The following DIP2B variants were observed in gnomAD, a reference collection of about 807,000 sequenced individuals.
DIP2B encodes the protein DIP2 acetate--CoA ligase B (putative).
Under a neutral mutation model 198.0 loss-of-function variants are expected in DIP2B, and 76 were observed. That is an observed-to-expected ratio of 0.38 (90% CI 0.32 to 0.46). DIP2B has a LOEUF of 0.46. DIP2B is among the 20% of genes least tolerant of loss of function. DIP2B has a pLI of 0.99. For missense variants in DIP2B, 1,559 were observed against 1,978.4 expected (o/e 0.79, Z 4.02); for synonymous variants, 701 against 739.1 (o/e 0.95, Z 0.84).
At chr12:50,627,358 G>C (rs376049604) in intron 2 of DIP2B, among the ~76,000 whole-genome samples, 1 of 151,784 alleles carries the variant, frequency 6.6e-6, no homozygotes, top group Admixed American at 6.6e-5. Context: ...TTTTTAGACA[G>C]ATTCTTGCTC....
intron 1 of DIP2B, among the ~76,000 whole-genome samples, chr12:50,608,873 G>C (rs901201667): frequency 4.6e-5 from 7 of 152,148 alleles, no homozygotes; most frequent in Non-Finnish European, 7.4e-5. Context: ...CGGGCATGGT[G>C]GCTCACGCCT....
chr12:50,554,765 C>A (rs557044160), intron 1 of DIP2B, among the ~76,000 whole-genome samples: 1 of 151,862 alleles, frequency 6.6e-6, no homozygotes, highest in African/African-American at 2.4e-5. Context: ...CCGCTCCCCC[C>A]CCGCCCCTTT....
At chr12:50,674,732 A>G (rs1051134759) in intron 6 of DIP2B, 103 bp downstream of exon 6, 1 of 1,416,850 alleles carries the variant, frequency 7.1e-7, no homozygotes, top group Non-Finnish European at 9.7e-7. Flanking sequence ...GCAGAACTGC[A>G]TTGTAGTTGG....
intron 19 of DIP2B, among the ~76,000 whole-genome samples, chr12:50,700,270 A>G (rs1324127581): frequency 6.6e-6 from 1 of 152,228 alleles, no homozygotes; most frequent in Non-Finnish European, 1.5e-5. Flanking sequence ...AACTTTGCCT[A>G]GTGAACCTGG....
intron 11 of DIP2B, 39 bp downstream of exon 11, chr12:50,685,995 A>T: frequency 6.3e-7 from 1 of 1,591,520 alleles, no homozygotes; most frequent in East Asian, 2.3e-5. Context: ...TTAAAAGTTA[A>T]AACTGAGTGC....
chr12:50,619,998 T>C (rs1937777328), intron 1 of DIP2B, among the ~76,000 whole-genome samples: 1 of 152,174 alleles, frequency 6.6e-6, no homozygotes, highest in South Asian at 2.1e-4. Context: ...AAGTGAGCCA[T>C]GATCATGCCA....
chr12:50,531,660 A>G (rs1439041773), intron 1 of DIP2B, among the ~76,000 whole-genome samples: 4 of 152,154 alleles, frequency 2.6e-5, no homozygotes, highest in African/African-American at 9.7e-5. Flanking sequence ...TGGATAAGGA[A>G]TGCAAAGCAG....
In DIP2B at chr12:50,655,157, T is replaced by C. The variant is rs189898818; in HGVS notation, c.302-5037T>C. 8.5e-6 allele frequency: 3 copies of C among 354,886 alleles called. No individual in the cohort carries two copies. In the East Asian group the frequency reaches 2.2e-4, roughly 26 times the overall value. 22.0% of individuals were successfully genotyped at this position (354,886 alleles called of 1,614,324 possible). A position where few individuals can be genotyped will look rare whatever the true frequency, so the allele number is the denominator to read the frequency against. ...GACATAGGATAATAGTTGAATAAACTGTGTACAGTAGTGTACTATACAGCT... is the reference window on the plus strand; with the variant it reads ...GACATAGGATAATAGTTGAATAAACCGTGTACAGTAGTGTACTATACAGCT... On this transcript the variant is annotated intron_variant, in intron 3 of 37. Transcript: ENST00000301180.
Position 50,640,752 on chromosome 12 carries a change from T to G in DIP2B, c.201T>G (p.Leu67=), listed in dbSNP as rs1938241633. 6.2e-7 allele frequency: 1 copy of G among 1,613,708 alleles called. No homozygotes were observed. The highest frequency in any genetic ancestry group is 1.3e-5 in the African/African-American group (1 of 74,908). The change falls in exon 3 of 38, where the codon CTT becomes CTG. Residue 67 remains leucine, a synonymous_variant. Transcript: ENST00000301180. ...QETDSAVQKE[L]RNQTPAPSAA... The stretch of plus-strand genomic sequence containing the variant: ...CTGATTCAGCAGTACAGAAAGAACT[T>G]AGAAACCAGACACCTGCTCCATCTG...
chr12:50,546,897 T>C (rs1029522782), intron 1 of DIP2B, among the ~76,000 whole-genome samples: 1 of 152,220 alleles, frequency 6.6e-6, no homozygotes, highest in Admixed American at 6.5e-5. Flanking sequence ...GTTTTATGTA[T>C]AAATAATTTA....
intron 1 of DIP2B, among the ~76,000 whole-genome samples, chr12:50,584,650 G>A (rs528459113): frequency 2.0e-5 from 3 of 152,258 alleles, no homozygotes; most frequent in East Asian, 3.9e-4. Context: ...TACAACCTCT[G>A]CTTCCCGGGT....
intron 2 of DIP2B, among the ~76,000 whole-genome samples, chr12:50,631,214 G>A (rs930205231): frequency 2.0e-5 from 3 of 149,282 alleles, no homozygotes; most frequent in Admixed American, 6.8e-5. Flanking sequence ...AACCTCCATG[G>A]ACCTCCTGGG....
intron 1 of DIP2B, among the ~76,000 whole-genome samples, chr12:50,509,264 T>G (rs202072664): frequency 6.6e-6 from 1 of 152,284 alleles, no homozygotes; most frequent in East Asian, 1.9e-4. Context: ...TTGTGAGAGA[T>G]AGAAGAGAAT....
chr12:50,693,129 A>G (rs1939249628), intron 14 of DIP2B, 116 bp downstream of exon 14: 2 of 1,020,040 alleles, frequency 2.0e-6, no homozygotes, highest in South Asian at 1.6e-5. Flanking sequence ...CCAAAAGGTC[A>G]GTAATATTTT....
chr12:50,514,219 T>C (rs371130450), intron 1 of DIP2B, among the ~76,000 whole-genome samples: 7 of 151,712 alleles, frequency 4.6e-5, no homozygotes, highest in South Asian at 4.2e-4. Context: ...GCATGCACCA[T>C]TGGGCCCAGC....
intron 9 of DIP2B, among the ~76,000 whole-genome samples, chr12:50,682,743 A>G (rs1163563306): frequency 6.6e-6 from 1 of 151,516 alleles, no homozygotes; most frequent in Non-Finnish European, 1.5e-5. Flanking sequence ...CTTATTCTTT[A>G]ATATGCTGTT....
rs74090200 is a variant in DIP2B, at chr12:50,519,315, C to T, written c.100+14075C>T. 5.1e-3 allele frequency among the ~76,000 whole-genome samples: 774 copies of T among 151,706 alleles called. 11 individuals carry two copies. The highest frequency in any genetic ancestry group is 0.018 in the African/African-American group (725 of 41,318). On this transcript the variant is annotated intron_variant, in intron 1 of 37. Coordinates refer to ENST00000301180, the MANE Select transcript of DIP2B (RefSeq NM_173602.3). ...GGGGTCTCACTGTATTGCCCAGGTT[C>T]GCCTTAAACTCCTGGGCTCAAGCGA...
At chr12:50,630,249 A>G (rs771188808) in intron 2 of DIP2B, among the ~76,000 whole-genome samples, 47 of 152,034 alleles carry the variant, frequency 3.1e-4, no homozygotes, top group Non-Finnish European at 5.1e-4. Flanking sequence ...CACCCGGCCA[A>G]ACTCAATTTT....
intron 1 of DIP2B, among the ~76,000 whole-genome samples, chr12:50,548,202 T>A (rs905001271): frequency 6.6e-6 from 1 of 152,222 alleles, no homozygotes; most frequent in South Asian, 2.1e-4. Context: ...TTATTAGGTA[T>A]ACTTCCAAAA....
Sources: allele counts gnomAD v4.1 joint callset (sites outside exome capture counted in the v4.1 genomes callset), GRCh38; gene constraint gnomAD v4.1.1; transcripts MANE v1.5; gene names NCBI Gene and HGNC (gene_info 2026-07-23, HGNC 2026-07-21).